Variants in B4GALNT3 observed in about 807,000 individuals in gnomAD.
B4GALNT3 encodes the protein beta-1,4-N-acetylgalactosaminyltransferase 3.
B4GALNT3 carries 86 observed loss-of-function variants against 120.2 expected under a neutral mutation model. That is an observed-to-expected ratio of 0.72 (90% confidence interval 0.60 to 0.86). B4GALNT3 has a LOEUF of 0.86. Among genes scored for constraint, B4GALNT3 ranks in the 40% least tolerant of loss-of-function variants. The pLI, the probability that B4GALNT3 is intolerant of heterozygous loss-of-function variation, is 0.00. For missense variants in B4GALNT3, 1,167 were observed against 1,298.9 expected, an observed-to-expected ratio of 0.90 and a Z score of 1.56; for synonymous variants, 518 against 510.4, an observed-to-expected ratio of 1.01 and a Z score of -0.20.
At position 548,334 on chromosome 12, in the gene B4GALNT3, C is replaced by G; in HGVS notation, c.853+37C>G. The G allele has an allele frequency of 6.3e-7, 1 of 1,589,638 alleles. No individual in the cohort carries two copies. The highest frequency in any genetic ancestry group is 8.6e-7 in the Non-Finnish European group (1 of 1,157,874). ...CTGGCCCTGCCCTGGAGATGGAGGC[C>G]AGGTGGGGACAGCCTACCCTGGGGG... On this transcript the variant is annotated intron_variant, in intron 9 of 19. Transcript: ENST00000266383. The surrounding 1 kb of genome is among the most constrained non-coding windows in gnomAD (Gnocchi z 4.9).
At chr12:534,035 C>G (rs1361662442) in intron 1 of B4GALNT3, among the ~76,000 whole-genome samples, 1 of 152,166 alleles carries the variant, frequency 6.6e-6, no homozygotes, top group Non-Finnish European at 1.5e-5. Context: ...TCCCAGGGGT[C>G]GGGGACTGTC....
At chr12:534,121 G>T (rs1013158927) in intron 1 of B4GALNT3, among the ~76,000 whole-genome samples, 2 of 152,214 alleles carry the variant, frequency 1.3e-5, no homozygotes, top group African/African-American at 4.8e-5. Context: ...GGAAAGGGGA[G>T]CTCAGTGGAA....
intron 19 of B4GALNT3, 54 bp from the exon 20 acceptor site, chr12:561,289 C>T (rs1413319558): frequency 9.1e-6 from 13 of 1,435,254 alleles, no homozygotes; most frequent in Admixed American, 1.7e-5. Context: ...GGGGAGGGGC[C>T]CCCCAGCTGC....
chr12:523,205 C>T (rs935295889), intron 1 of B4GALNT3, among the ~76,000 whole-genome samples: 1 of 152,042 alleles, frequency 6.6e-6, no homozygotes, highest in African/African-American at 2.4e-5. Context: ...AGTCCCTAGC[C>T]CAGAATCGTG....
intron 1 of B4GALNT3, among the ~76,000 whole-genome samples, chr12:472,509 C>T (rs898117574): frequency 4.6e-5 from 7 of 152,114 alleles, no homozygotes; most frequent in Admixed American, 1.3e-4. Context: ...TGCATCTTGG[C>T]TCACTGCAAG....
chr12:563,008 C>G lies in B4GALNT3; in HGVS notation c.*1557C>G, dbSNP rs2120760897. ...GAGTTTGGCACATGGGAGAATGGAG[C>G]CCGTGGAGAACCTTCTGGGGGGTCG... On this transcript the variant is annotated 3_prime_UTR_variant, in exon 20 of 20. Coordinates refer to ENST00000266383, the MANE Select transcript of B4GALNT3 (RefSeq NM_173593.4). 6.6e-6 allele frequency: 1 copy of G among 152,340 alleles called. No individual in the cohort carries two copies. Among genetic ancestry groups the G allele is most frequent in the East Asian group, 1.9e-4 (1 of 5,180 alleles). The allele number at this position is 152,340 out of a possible 1,614,324, so 9.4% of individuals were successfully genotyped here.
chr12:517,636 C>A (rs1946670115), intron 1 of B4GALNT3, among the ~76,000 whole-genome samples: 1 of 152,194 alleles, frequency 6.6e-6, no homozygotes. Context: ...ACCTACTTCC[C>A]CATGATGTCT....
At chr12:510,502 G>GGGGTTGGCTGGGCTGGGA (rs1946537565) in intron 1 of B4GALNT3, among the ~76,000 whole-genome samples, 2 of 147,364 alleles carry the variant, frequency 1.4e-5, no homozygotes, top group Non-Finnish European at 1.5e-5. Context: ...GGAGGGAAAC[G>GGGGTTGGCTGGGCTGGGA]GGCCCTTTCA....
In B4GALNT3 at chr12:553,746, A is replaced by AG; in HGVS notation, c.1828dup (p.Glu610GlyfsTer11). ...GAAGGACAAGTGGAGGGAGAGGAAG[A>AG]GGGGGAAGAAGAGGAGGAGGAAGAG... On this transcript the variant is annotated frameshift_variant, in exon 14 of 20. Transcript: ENST00000266383. LOFTEE classifies it high-confidence loss of function. The AG allele has an allele frequency of 6.2e-7, 1 of 1,614,114 alleles. No individual in the cohort carries two copies. The highest frequency in any genetic ancestry group is 1.7e-5 in the Admixed American group (1 of 60,028).
intron 1 of B4GALNT3, among the ~76,000 whole-genome samples, chr12:524,043 G>A (rs2017244): frequency 0.019 from 2,955 of 152,074 alleles, 106 homozygotes; most frequent in African/African-American, 0.067. Context: ...CCCAGGCGAC[G>A]GTGAGAGACT....
At position 516,660 on chromosome 12, in the gene B4GALNT3, G is replaced by A. The variant is rs140185166; in HGVS notation, c.170-18506G>A. Among the ~76,000 whole-genome samples, 518 of 152,294 alleles carry A rather than the reference G, an allele frequency of 3.4e-3. 3 individuals are homozygous for A. Among genetic ancestry groups the A allele is most frequent in the African/African-American group, 0.012 (480 of 41,564 alleles). ...TAAACTGGGTCTTTCCCCAATAAAC[G>A]TTACTCATTGGCCATCAGAAGGATC... On this transcript the variant is annotated intron_variant, in intron 1 of 19. Coordinates refer to ENST00000266383, the MANE Select transcript of B4GALNT3 (RefSeq NM_173593.4).
intron 1 of B4GALNT3, among the ~76,000 whole-genome samples, chr12:485,008 G>T (rs7294326): frequency 0.36 from 54,908 of 151,936 alleles, 10,982 homozygotes; most frequent in Non-Finnish European, 0.46. Flanking sequence ...TTCTCGCATA[G>T]ACAAAATATA....
chr12:481,698 C>T (rs1386754590), intron 1 of B4GALNT3, among the ~76,000 whole-genome samples: 5 of 152,122 alleles, frequency 3.3e-5, no homozygotes, highest in African/African-American at 1.2e-4. Context: ...GTGGCTGGGC[C>T]CAGGCAGCTG....
At position 460,519 on chromosome 12, in the gene B4GALNT3, A is replaced by T; in HGVS notation, c.143A>T (p.Gln48Leu). 6.4e-7 allele frequency: 1 copy of T among 1,553,288 alleles called. No individual in the cohort carries two copies. Among genetic ancestry groups the T allele is most frequent in the Admixed American group, 1.8e-5 (1 of 54,812 alleles). ...TLYLELVASAQVGGNPLNRRY... is the reference protein window; with the variant it reads ...TLYLELVASALVGGNPLNRRY... ...TATCTGGAACTGGTGGCGTCGGCCCAGGTCGGCGGGAACCCCCTGAACCGG... is the reference window on the plus strand; with the variant it reads ...TATCTGGAACTGGTGGCGTCGGCCCTGGTCGGCGGGAACCCCCTGAACCGG... The change falls in exon 1 of 20, where the codon CAG becomes CTG. Residue 48 changes from glutamine to leucine, a missense_variant. Coordinates refer to ENST00000266383, the MANE Select transcript of B4GALNT3 (RefSeq NM_173593.4). The surrounding 1 kb of genome is among the most constrained non-coding windows in gnomAD (Gnocchi z 8.0).
At chr12:479,291 C>T (rs189949404) in intron 1 of B4GALNT3, among the ~76,000 whole-genome samples, 373 of 152,222 alleles carry the variant, frequency 2.5e-3, no homozygotes, top group African/African-American at 8.5e-3. Flanking sequence ...AGCCATCATC[C>T]GACCTCAGCC....
intron 1 of B4GALNT3, among the ~76,000 whole-genome samples, chr12:488,817 G>A (rs1328162719): frequency 1.3e-5 from 2 of 150,232 alleles, no homozygotes; most frequent in East Asian, 1.9e-4. Context: ...GAAACCCTGT[G>A]AAAAAGAAAA....
rs751570530 is a variant in B4GALNT3, at chr12:553,448, C to T, written c.1525C>T (p.Gln509Ter). Residue 509 changes from glutamine to a stop codon, truncating the protein, a stop_gained, in exon 14 of 20, where the codon CAG (glutamine) becomes TAG (stop). Coordinates refer to ENST00000266383, the MANE Select transcript of B4GALNT3 (RefSeq NM_173593.4). LOFTEE classifies it high-confidence loss of function. ...AGGGAGGACCAGCCACATTCCAGTGCAGCAGCCAGAGAAGAGGAAGCAAAA... is the reference window on the plus strand; with the variant it reads ...AGGGAGGACCAGCCACATTCCAGTGTAGCAGCCAGAGAAGAGGAAGCAAAA... ...FPGRTSHIPV[Q>*]QPEKRKQKPS... 1 of 1,614,152 alleles carries T rather than the reference C, an allele frequency of 6.2e-7. No homozygotes were observed.
At chr12:536,680 G>A (rs531453958) in intron 3 of B4GALNT3, among the ~76,000 whole-genome samples, 28 of 152,240 alleles carry the variant, frequency 1.8e-4, no homozygotes, top group African/African-American at 5.8e-4. Context: ...CACTCCACGC[G>A]TTCCAGGTTG....
chr12:503,376 A>C (rs1946461985), intron 1 of B4GALNT3, among the ~76,000 whole-genome samples: 1 of 152,122 alleles, frequency 6.6e-6, no homozygotes, highest in Non-Finnish European at 1.5e-5. Flanking sequence ...CTCTGTTGAC[A>C]GCCACCTCCC....
Sources: gnomAD v4.1 joint callset for allele counts (sites outside exome capture counted in the v4.1 genomes callset) on GRCh38, gnomAD v4.1.1 for gene constraint, Gnocchi (gnomAD v3.1) non-coding constraint, MANE v1.5 for transcripts, NCBI Gene and HGNC (gene_info 2026-07-23, HGNC 2026-07-21) for gene names.